Variants in TUSC3 observed in about 807,000 individuals in gnomAD.
TUSC3 encodes tumor suppressor candidate 3, also known as dolichyl-diphosphooligosaccharide--protein glycosyltransferase subunit TUSC3.
In TUSC3, 45 loss-of-function variants were observed where a neutral mutation model predicts 44.8. The ratio of observed to expected loss-of-function variants is 1.00; its 90% CI spans 0.79 to 1.29. TUSC3 has a LOEUF of 1.29. Ranked by LOEUF, TUSC3 falls within the 50% of genes most tolerant of loss-of-function variation. The pLI is 0.00. For missense variants in TUSC3, 519 were observed against 437.9 expected, an observed-to-expected ratio of 1.19 and a Z score of -1.65; for synonymous variants, 212 against 152.9, an observed-to-expected ratio of 1.39 and a Z score of -2.85.
At chr8:15,751,553 G>A (rs1811704844) in intron 9 of TUSC3, among the ~76,000 whole-genome samples, 1 of 152,076 alleles carries the variant, frequency 6.6e-6, no homozygotes, top group African/African-American at 2.4e-5. Flanking sequence ...CCAGTATAGG[G>A]GCGTCTGATT....
chr8:15,672,256 G>C (rs190291624), intron 5 of TUSC3, among the ~76,000 whole-genome samples: 1 of 152,078 alleles, frequency 6.6e-6, no homozygotes, highest in East Asian at 1.9e-4. Context: ...TGTATTGTGT[G>C]CAATTTTTAA....
At chr8:15,643,473 C>T (rs566187490) in intron 2 of TUSC3, among the ~76,000 whole-genome samples, 33 of 151,120 alleles carry the variant, frequency 2.2e-4, no homozygotes, top group African/African-American at 7.8e-4. Flanking sequence ...GCTAACTCTG[C>T]GTATTGTATA....
At position 15,523,660 on chromosome 8, in the gene TUSC3, ATATATGTGTGTGTGTGTGTGTGTG is replaced by A. The variant is rs1403037566; in HGVS notation, n.189+40179_189+40202del. 5.5e-4 allele frequency among the ~76,000 whole-genome samples: 9 copies of A among 16,396 alleles called. 2 individuals carry two copies. The highest frequency in any genetic ancestry group is 2.1e-3 in the African/African-American group (9 of 4,320). The allele number at this position is 16,396 out of a possible 152,430, so 10.8% of individuals were successfully genotyped here. On this transcript the variant is annotated intron_variant and non_coding_transcript_variant, in intron 2 of 5. Transcript: ENST00000503191. ...AAAACATATATATATATATATATAT[ATATATGTGTGTGTGTGTGTGTGTG>A]TGTGTGTGTGTGTGTGTGTGTGTGT...
intron 9 of TUSC3, among the ~76,000 whole-genome samples, chr8:15,751,006 A>C (rs1025201982): frequency 6.6e-6 from 1 of 152,190 alleles, no homozygotes; most frequent in Non-Finnish European, 1.5e-5. Flanking sequence ...CAGGTGTGCT[A>C]AACAGTGTGA....
chr8:15,454,279 T>C (rs1471421136), intron 1 of TUSC3, among the ~76,000 whole-genome samples: 1 of 152,204 alleles, frequency 6.6e-6, no homozygotes, highest in East Asian at 1.9e-4. Context: ...ATTCCTGATC[T>C]AAAGCTTCTT....
At chr8:15,428,036 G>A (rs1031140706) in intron 1 of TUSC3, among the ~76,000 whole-genome samples, 2 of 151,242 alleles carry the variant, frequency 1.3e-5, no homozygotes, top group Admixed American at 6.6e-5. Flanking sequence ...TGTTACATAT[G>A]TATACATGTG....
At chr8:15,605,745 C>T (rs931325659) in intron 1 of TUSC3, among the ~76,000 whole-genome samples, 9 of 151,964 alleles carry the variant, frequency 5.9e-5, no homozygotes, top group Admixed American at 1.3e-4. Flanking sequence ...CTTAGACACA[C>T]AGTTACAAAT....
intron 1 of TUSC3, among the ~76,000 whole-genome samples, chr8:15,620,120 G>GTGTGTGCATA (rs1473887693): frequency 2.6e-5 from 4 of 152,126 alleles, no homozygotes; most frequent in Non-Finnish European, 5.9e-5. Context: ...ACTTGGAAGT[G>GTGTGTGCATA]TGTGTGCATA....
intron 8 of TUSC3, among the ~76,000 whole-genome samples, chr8:15,744,049 T>G (rs1172113147): frequency 1.3e-5 from 2 of 152,210 alleles, no homozygotes; most frequent in African/African-American, 4.8e-5. Flanking sequence ...TATTGTACAG[T>G]GAGATACTCT....
rs567694005 is a variant in TUSC3 at position 15,461,231 on chromosome 8, G to C, written n.92-22155G>C. Among the ~76,000 whole-genome samples, 4 of 152,126 alleles carry C rather than the reference G, an allele frequency of 2.6e-5. No homozygotes were observed. The South Asian group carries it at 8.3e-4, about 32-fold the overall frequency. On this transcript the variant is annotated intron_variant and non_coding_transcript_variant, in intron 1 of 5. Coordinates refer to the TUSC3 transcript ENST00000503191. Reference sequence around the variant, plus strand: ...TTGTTTTGTAGTTTTTCTTGTAGAGGTCTTTCGCCTCCTTGTTTAGGTATA... The same window carrying C: ...TTGTTTTGTAGTTTTTCTTGTAGAGCTCTTTCGCCTCCTTGTTTAGGTATA...
chr8:15,452,711 C>A (rs1253532727), intron 1 of TUSC3, among the ~76,000 whole-genome samples: 1 of 152,262 alleles, frequency 6.6e-6, no homozygotes, highest in East Asian at 1.9e-4. Flanking sequence ...CCAGCTATCA[C>A]CAGACCCTGG....
intron 2 of TUSC3, among the ~76,000 whole-genome samples, chr8:15,632,932 C>T (rs185581754): frequency 2.6e-5 from 4 of 152,180 alleles, no homozygotes; most frequent in East Asian, 1.9e-4. Context: ...TGTTCTCTGC[C>T]GTGGAACTGT....
At chr8:15,504,596 TATATATATATATATATATATA>T (rs1801020500) in intron 2 of TUSC3, among the ~76,000 whole-genome samples, 1 of 21,706 alleles carries the variant, frequency 4.6e-5, no homozygotes, top group East Asian at 1.7e-3. Flanking sequence ...TATATATATA[TATATATATATATATATATATA>T]TATATTTTTT....
At chr8:15,730,179 AT>A (rs1352277771) in intron 6 of TUSC3, among the ~76,000 whole-genome samples, 3 of 152,142 alleles carry the variant, frequency 2.0e-5, no homozygotes, top group African/African-American at 7.2e-5. Flanking sequence ...GGTGAAAACA[AT>A]TTTAATAATT....
At chr8:15,706,767 G>A (rs1302413216) in intron 6 of TUSC3, among the ~76,000 whole-genome samples, 1 of 151,922 alleles carries the variant, frequency 6.6e-6, no homozygotes, top group African/African-American at 2.4e-5. Context: ...ATGATCACGA[G>A]CATTTTCTAA....
At chr8:15,592,463 G>T (rs1379741093) in intron 1 of TUSC3, among the ~76,000 whole-genome samples, 1 of 152,110 alleles carries the variant, frequency 6.6e-6, no homozygotes, top group African/African-American at 2.4e-5. Flanking sequence ...ATGACATAGT[G>T]CCCTCCTTGT....
chr8:15,748,389 G>T lies in TUSC3; in HGVS notation c.952G>T (p.Gly318Ter), dbSNP rs1811515381. Residue 318 changes from glycine (G) to a stop codon, truncating the protein, a stop_gained, in exon 9 of 11, where the codon GGA becomes TGA. Coordinates refer to ENST00000503731, the MANE Select transcript of TUSC3 (RefSeq NM_006765.4). LOFTEE classifies it high-confidence loss of function. The part of the protein sequence containing the change: ...VGKRRIICLV[G>*]LGLVVFFFSF... ...TCTGTTTCTAGTAATTTGCCTAGTG[G>T]GATTGGGCCTGGTGGTCTTCTTCTT... The T allele has an allele frequency of 6.2e-7, 1 of 1,613,124 alleles. No homozygotes were observed. Among genetic ancestry groups the T allele is most frequent in the Non-Finnish European group, 8.5e-7 (1 of 1,179,440 alleles).
At chr8:15,803,516 A>C in the TUSC3 span, among the ~76,000 whole-genome samples, 3 of 152,214 alleles carry the variant, frequency 2.0e-5, no homozygotes, top group Admixed American at 6.5e-5. Flanking sequence ...ATACAAGCAG[A>C]AAATTTCAGT....
chr8:15,740,362 C>T lies in TUSC3; in HGVS notation c.863-3176C>T, dbSNP rs111882117. On this transcript the variant is annotated intron_variant, in intron 7 of 10. Coordinates refer to ENST00000503731, the MANE Select transcript of TUSC3 (RefSeq NM_006765.4). ...TAAAGGAAAAGATGCATAAATTTGGCCACATTAAAATTAAAGTTTTCTACA... is the reference window on the plus strand; with the variant it reads ...TAAAGGAAAAGATGCATAAATTTGGTCACATTAAAATTAAAGTTTTCTACA... 7.0e-3 allele frequency among the ~76,000 whole-genome samples: 1,066 copies of T among 152,000 alleles called. 7 individuals are homozygous for T. Among genetic ancestry groups the T allele is most frequent in the African/African-American group, 0.024 (1,015 of 41,480 alleles).
Sources: gnomAD v4.1 joint callset for allele counts (sites outside exome capture counted in the v4.1 genomes callset) on GRCh38, gnomAD v4.1.1 for gene constraint, MANE v1.5 for transcripts, NCBI Gene and HGNC (gene_info 2026-07-23, HGNC 2026-07-21) for gene names.